The following BLTP1 variants were observed in gnomAD, a reference collection of about 807,000 sequenced individuals.
BLTP1 encodes fragile site-associated protein.
chr4:122,325,234 C>T, the BLTP1 span: 3 of 1,599,666 alleles, frequency 1.9e-6, no homozygotes, highest in South Asian at 1.1e-5. Context: ...TTGCAGTTCT[C>T]GAGTAGGAGA....
the BLTP1 span, chr4:122,173,015 T>A: frequency 6.2e-7 from 1 of 1,612,420 alleles, no homozygotes; most frequent in South Asian, 1.1e-5. Flanking sequence ...CTATTATTTC[T>A]GATTTTTTTC....
At chr4:122,333,632 T>C in the BLTP1 span, 1 of 1,596,754 alleles carries the variant, frequency 6.3e-7, no homozygotes, top group Non-Finnish European at 8.5e-7. Flanking sequence ...TTCACAGGAG[T>C]TATGATCGAA....
At chr4:122,191,409 CATCTTT>C in the BLTP1 span, among the ~76,000 whole-genome samples, 1 of 151,994 alleles carries the variant, frequency 6.6e-6, no homozygotes, top group Non-Finnish European at 1.5e-5. Flanking sequence ...CAATAGTTAA[CATCTTT>C]TATGATGAGA....
chr4:122,334,619 A>G, the BLTP1 span: 3 of 1,415,140 alleles, frequency 2.1e-6, no homozygotes, highest in Non-Finnish European at 2.9e-6. Flanking sequence ...CTCTTTTGAG[A>G]CTTTCCAATG....
the BLTP1 span, chr4:122,211,242 T>C: frequency 1.5e-6 from 1 of 677,036 alleles, no homozygotes; most frequent in Admixed American, 2.9e-5. Context: ...CTTGGGGTGC[T>C]AGACTCAATT....
the BLTP1 span, chr4:122,197,317 A>G: frequency 1.6e-6 from 2 of 1,240,322 alleles, no homozygotes; most frequent in Non-Finnish European, 2.2e-6. Flanking sequence ...AATTAGGGAA[A>G]TAATTATAAA....
At chr4:122,238,392 A>T in the BLTP1 span, 1 of 1,519,114 alleles carries the variant, frequency 6.6e-7, no homozygotes, top group South Asian at 1.2e-5. Context: ...CATAAATAGG[A>T]TTATAATTGT....
the BLTP1 span, chr4:122,273,437 T>C: frequency 7.1e-6 from 7 of 984,488 alleles, no homozygotes; most frequent in African/African-American, 7.0e-5. Flanking sequence ...CCTGGAAATA[T>C]CACAAAGGAT....
the BLTP1 span, chr4:122,202,385 C>A: frequency 1.9e-5 from 3 of 154,592 alleles, no homozygotes; most frequent in African/African-American, 4.8e-5. Flanking sequence ...TGAATCCTCA[C>A]AATAACTCTC....
the BLTP1 span, among the ~76,000 whole-genome samples, chr4:122,158,143 G>A: frequency 9.2e-5 from 14 of 152,230 alleles, no homozygotes; most frequent in East Asian, 2.7e-3. Flanking sequence ...TAGTGTTTTA[G>A]AGTATTTTAA....
chr4:122,332,629 C>CTTTT, the BLTP1 span, among the ~76,000 whole-genome samples: 109 of 142,550 alleles, frequency 7.6e-4, no homozygotes, highest in Middle Eastern at 0.011. Context: ...TAAAAGTTTG[C>CTTTT]TTTTTTTTTT....
At chr4:122,239,988 A>C in the BLTP1 span, 1 of 1,614,192 alleles carries the variant, frequency 6.2e-7, no homozygotes, top group South Asian at 1.1e-5. Context: ...CATATATCAC[A>C]GTGTAGAAGG....
At chr4:122,281,466 C>T in the BLTP1 span, 1 of 1,432,494 alleles carries the variant, frequency 7.0e-7, no homozygotes, top group Non-Finnish European at 9.1e-7. Flanking sequence ...ACTGAGAAAT[C>T]CAGTGATTTT....
chr4:122,347,865 A>G, the BLTP1 span: 1 of 912,434 alleles, frequency 1.1e-6, no homozygotes, highest in Non-Finnish European at 1.6e-6. Flanking sequence ...CCCTAACTAT[A>G]GGAAAATAAA....
the BLTP1 span, chr4:122,359,587 G>A: frequency 6.0e-5 from 96 of 1,610,362 alleles, no homozygotes; most frequent in Non-Finnish European, 8.0e-5. Flanking sequence ...TTATCTACTC[G>A]ACCAGGACAA....
chr4:122,179,914 G>C, the BLTP1 span: 11 of 985,122 alleles, frequency 1.1e-5, no homozygotes, highest in Admixed American at 6.2e-5. Flanking sequence ...TACCATTCCA[G>C]ATCAATGGAG....
the BLTP1 span, among the ~76,000 whole-genome samples, chr4:122,322,127 T>C: frequency 6.6e-6 from 1 of 151,536 alleles, no homozygotes; most frequent in African/African-American, 2.4e-5. Context: ...CTTCTATTCC[T>C]TTCTCTTTCT....
the BLTP1 span, chr4:122,328,458 T>C: frequency 6.5e-6 from 7 of 1,069,722 alleles, no homozygotes; most frequent in South Asian, 1.8e-5. Flanking sequence ...ACATTTTTAA[T>C]GTGCCTCGCT....
the BLTP1 span, chr4:122,199,384 A>G: frequency 1.9e-6 from 3 of 1,613,248 alleles, no homozygotes; most frequent in East Asian, 6.7e-5. Context: ...TTAAGGGACA[A>G]CTCTTACATG....
Sources: allele counts gnomAD v4.1 joint callset (sites outside exome capture counted in the v4.1 genomes callset), GRCh38; gene constraint gnomAD v4.1.1; transcripts MANE v1.5; gene names NCBI Gene and HGNC (gene_info 2026-07-23, HGNC 2026-07-21).